TPP2: variants seen among roughly 807,000 people sequenced by gnomAD.
TPP2 encodes the protein tripeptidyl peptidase 2, also known as tripeptidyl-peptidase 2.
Under a neutral mutation model 155.9 loss-of-function variants are expected in TPP2, and 34 were observed. The observed-to-expected ratio is 0.22, with a 90% CI of 0.17 to 0.29. The LOEUF is 0.29. Ranked by LOEUF, TPP2 falls within the 10% of genes least tolerant of loss-of-function variation. The probability of loss-of-function intolerance (pLI) is 1.00; values close to 1 mark genes in which losing one functional copy is unlikely to be tolerated. For synonymous variants in TPP2, 510 were observed against 529.4 expected, an observed-to-expected ratio of 0.96 and a Z score of 0.50; for missense variants, 1,028 against 1,522.3, an observed-to-expected ratio of 0.68 and a Z score of 5.40.
In TPP2 at chr13:102,644,683, A is replaced by T; in HGVS notation, c.2292+10A>T. The T allele has an allele frequency of 6.3e-7, 1 of 1,582,792 alleles. No homozygotes were observed. Among genetic ancestry groups the T allele is most frequent in the Non-Finnish European group, 8.6e-7 (1 of 1,164,618 alleles). On this transcript the variant is annotated intron_variant, in intron 18 of 29. Transcript: ENST00000376052. The stretch of plus-strand genomic sequence containing the variant: ...TCCTCAGTTAAACATTGTAAGTTCC[A>T]CAACATTTTCATGATTTTTAATGTC...
At chr13:102,644,872 T>C (rs778395953) in intron 18 of TPP2, 37 bp from the exon 19 acceptor site, 1 of 1,605,092 alleles carries the variant, frequency 6.2e-7, no homozygotes, top group Non-Finnish European at 8.5e-7. Context: ...TTATTTTTAG[T>C]AAAGTTTGAG....
At position 102,622,666 on chromosome 13, in the gene TPP2, TTG is replaced by T. The variant is rs373783859; in HGVS notation, c.621-208_621-207del. On this transcript the variant is annotated intron_variant, in intron 5 of 29. Coordinates refer to ENST00000376052, the MANE Select transcript of TPP2 (RefSeq NM_001330588.2). ...TGAAGGAGGGTATTTTTAAAGCACT[TTG>T]TGCATGATTTAAGAACTGGTTGCTG... Among the ~76,000 whole-genome samples the T allele has an allele frequency of 2.0e-3, 303 of 152,292 alleles. 3 individuals carry two copies. The highest frequency in any genetic ancestry group is 7.0e-3 in the African/African-American group (290 of 41,556).
chr13:102,616,517 T>G lies in TPP2; in HGVS notation c.495+17T>G, dbSNP rs775148670. On this transcript the variant is annotated intron_variant, in intron 4 of 29. Transcript: ENST00000376052. ...TCTTCTCAAGTTGGTGCTAGTCGATTTCATTTAAACATTACCCTAGAACCA... is the reference window on the plus strand; with the variant it reads ...TCTTCTCAAGTTGGTGCTAGTCGATGTCATTTAAACATTACCCTAGAACCA... 1.3e-6 allele frequency: 2 copies of G among 1,598,054 alleles called. No individual in the cohort carries two copies. Among genetic ancestry groups the G allele is most frequent in the South Asian group, 1.1e-5 (1 of 88,542 alleles).
intron 14 of TPP2, among the ~76,000 whole-genome samples, chr13:102,637,455 A>C (rs1299281387): frequency 6.6e-6 from 1 of 152,222 alleles, no homozygotes; most frequent in African/African-American, 2.4e-5. Context: ...AATAAGTAAA[A>C]GGAAAGAAGA....
chr13:102,640,211 T>C, intron 15 of TPP2, 59 bp from the exon 16 acceptor site: 1 of 1,263,318 alleles, frequency 7.9e-7, no homozygotes, highest in Non-Finnish European at 1.1e-6. Context: ...CAATGAAATC[T>C]AGAGTATCTG....
At chr13:102,638,176 C>T (rs1882511305) in intron 14 of TPP2, 63 bp from the exon 15 acceptor site, 8 of 1,306,280 alleles carry the variant, frequency 6.1e-6, no homozygotes, top group Non-Finnish European at 8.8e-6. Context: ...GTAGTTTAGA[C>T]CTTCCCCCGC....
chr13:102,663,907 C>A (rs1884417662), intron 26 of TPP2, among the ~76,000 whole-genome samples, 163 bp downstream of exon 26: 2 of 152,266 alleles, frequency 1.3e-5, no homozygotes, highest in South Asian at 4.1e-4. Context: ...TATTATAAGA[C>A]CTAGCCACTA....
intron 24 of TPP2, chr13:102,655,120 T>C (rs1214985877): frequency 2.2e-6 from 1 of 457,156 alleles, no homozygotes. Context: ...TTCTGTGCTT[T>C]AAATGAGTCA....
At position 102,646,378 on chromosome 13, in the gene TPP2, T is replaced by A; in HGVS notation, c.2478T>A (p.Tyr826Ter). 6.2e-7 allele frequency: 1 copy of A among 1,612,098 alleles called. No homozygotes were observed. Among genetic ancestry groups the A allele is most frequent in the Non-Finnish European group, 8.5e-7 (1 of 1,179,216 alleles). The change falls in exon 20 of 30, where the codon TAT becomes TAA. Residue 826 changes from tyrosine (Y) to a stop codon, truncating the protein, a stop_gained. Transcript: ENST00000376052. LOFTEE classifies it high-confidence loss of function. ...NRQLYEMVLT[Y>*]NFHQPKSGEV... ...AACTTTATGAGATGGTCCTGACATA[T>A]AACTTTCATCAAGTAAGTGTTTGCC...
intron 27 of TPP2, among the ~76,000 whole-genome samples, chr13:102,669,023 G>C (rs573269646): frequency 6.6e-6 from 1 of 152,312 alleles, no homozygotes; most frequent in East Asian, 1.9e-4. Flanking sequence ...AAGAGGACCT[G>C]AGGGGGTGTG....
At chr13:102,675,148 TTG>T (rs1021317147) in intron 28 of TPP2, among the ~76,000 whole-genome samples, 2 of 152,238 alleles carry the variant, frequency 1.3e-5, no homozygotes, top group Admixed American at 1.3e-4. Context: ...GACCATCATT[TTG>T]TTTTAGTAGA....
At position 102,672,094 on chromosome 13, in the gene TPP2, C is replaced by T. The variant is rs542164338; in HGVS notation, c.3372-2189C>T. On this transcript the variant is annotated intron_variant, in intron 27 of 29. Transcript: ENST00000376052. ...GCAGCGTTCCTCTCATGGGGCACCA[C>T]CTGCCAAGTCTGTCCCTCAGACTAT... Among the ~76,000 whole-genome samples the T allele has an allele frequency of 3.3e-5, 5 of 152,232 alleles. No homozygotes were observed. In the East Asian group the frequency reaches 9.7e-4, roughly 30 times the overall value.
intron 2 of TPP2, among the ~76,000 whole-genome samples, chr13:102,607,040 G>T (rs1181748947): frequency 6.6e-6 from 1 of 152,176 alleles, no homozygotes; most frequent in Non-Finnish European, 1.5e-5. Flanking sequence ...TCTAGAGCAA[G>T]CTCTTTCTAG....
intron 24 of TPP2, among the ~76,000 whole-genome samples, chr13:102,654,054 C>T (rs1883683623): frequency 6.6e-6 from 1 of 152,018 alleles, no homozygotes; most frequent in Admixed American, 6.6e-5. Context: ...TCTTTTTAAA[C>T]CATAATCAAG....
At chr13:102,632,807 T>G (rs1360047619) in intron 10 of TPP2, among the ~76,000 whole-genome samples, 1 of 152,230 alleles carries the variant, frequency 6.6e-6, no homozygotes, top group Non-Finnish European at 1.5e-5. Flanking sequence ...TTTTAGTCAT[T>G]CTTCCATGAA....
intron 25 of TPP2, among the ~76,000 whole-genome samples, chr13:102,659,622 AAAATG>A (rs1257336461): frequency 2.0e-5 from 3 of 152,222 alleles, no homozygotes; most frequent in Non-Finnish European, 4.4e-5. Context: ...CTGTCCTTTA[AAAATG>A]AAAATGAAAT....
At chr13:102,607,595 T>A (rs1394127197) in intron 2 of TPP2, 1 of 420,980 alleles carries the variant, frequency 2.4e-6, no homozygotes, top group South Asian at 1.7e-5. Flanking sequence ...TATTTATTTA[T>A]ATTAATTTTG....
rs747488571 is a variant in TPP2, at chr13:102,644,893, G to C, written c.2293-16G>C. The C allele has an allele frequency of 1.9e-6, 3 of 1,608,574 alleles. No individual in the cohort carries two copies. In the African/African-American group the frequency reaches 4.0e-5, roughly 22 times the overall value. On this transcript the variant is annotated splice_polypyrimidine_tract_variant and intron_variant, in intron 18 of 29. Coordinates refer to ENST00000376052, the MANE Select transcript of TPP2 (RefSeq NM_001330588.2). ...TTAGTAAAGTTTGAGAAAGTAATTT[G>C]AGAAATCCTTTGTAGCATGCATCGG...
chr13:102,609,392 C>CTT (rs34845674), intron 2 of TPP2, among the ~76,000 whole-genome samples: 1,419 of 79,756 alleles, frequency 0.018, 121 homozygotes, highest in African/African-American at 0.061. Flanking sequence ...AAGTGCCATG[C>CTT]TTTTTTTTTT....
Sources: gnomAD v4.1 joint callset for allele counts (sites outside exome capture counted in the v4.1 genomes callset) on GRCh38, gnomAD v4.1.1 for gene constraint, MANE v1.5 for transcripts, NCBI Gene and HGNC (gene_info 2026-07-23, HGNC 2026-07-21) for gene names.